The following TXNDC5 variants were observed in gnomAD, a reference collection of about 807,000 sequenced individuals.
TXNDC5 encodes thioredoxin domain-containing protein 5.
A neutral mutation model predicts 52.6 loss-of-function variants in TXNDC5; 44 were observed. That is an observed-to-expected ratio of 0.84 (90% CI 0.66 to 1.08). The LOEUF (loss-of-function observed/expected upper bound fraction) is 1.08, where lower values mean the gene tolerates loss of function less well. Ranked by LOEUF, TXNDC5 falls within the 50% of genes least tolerant of loss-of-function variation. The pLI is 0.00. For synonymous variants in TXNDC5, 241 were observed against 234.4 expected (o/e 1.03, Z -0.26); for missense variants, 600 against 565.5 (o/e 1.06, Z -0.62).
intron 2 of TXNDC5, among the ~76,000 whole-genome samples, chr6:7,900,893 A>G (rs1760543015): frequency 6.6e-6 from 1 of 152,064 alleles, no homozygotes; most frequent in East Asian, 1.9e-4. Context: ...CCCACCTCCT[A>G]TTGCCAGCAT....
intron 5 of TXNDC5, among the ~76,000 whole-genome samples, chr6:7,890,076 G>T (rs906577886): frequency 1.3e-5 from 2 of 152,164 alleles, no homozygotes; most frequent in Non-Finnish European, 2.9e-5. Context: ...TATAATAAAG[G>T]TAAGACTGCA....
chr6:7,909,624 T>G (rs1013311211), intron 1 of TXNDC5, among the ~76,000 whole-genome samples: 1 of 151,474 alleles, frequency 6.6e-6, no homozygotes, highest in African/African-American at 2.4e-5. Context: ...AGCAGGGAGG[T>G]GACAGGACAG....
intron 2 of TXNDC5, among the ~76,000 whole-genome samples, chr6:7,902,757 T>C (rs190700952): frequency 2.1e-3 from 314 of 152,208 alleles, no homozygotes; most frequent in Admixed American, 3.2e-3. Flanking sequence ...TTTGTTCTTT[T>C]TAATAACACA....
chr6:7,890,790 G>A (rs1335261326), intron 5 of TXNDC5, among the ~76,000 whole-genome samples: 1 of 152,140 alleles, frequency 6.6e-6, no homozygotes, highest in Non-Finnish European at 1.5e-5. Context: ...ACTTTCATCT[G>A]CCCAGACACC....
chr6:7,891,325 G>C (rs946922393), intron 5 of TXNDC5, among the ~76,000 whole-genome samples: 1 of 152,040 alleles, frequency 6.6e-6, no homozygotes, highest in African/African-American at 2.4e-5. Context: ...CATTCTACAA[G>C]GCTCTACCCC....
intron 3 of TXNDC5, 92 bp from the exon 4 acceptor site, chr6:7,895,294 C>A: frequency 8.8e-7 from 1 of 1,132,394 alleles, no homozygotes; most frequent in East Asian, 2.6e-5. Flanking sequence ...GAACCGCCTG[C>A]AGATGCCTCC....
intron 4 of TXNDC5, 26 bp from the exon 5 acceptor site, chr6:7,891,762 CGG>C (rs1204903086): frequency 2.6e-6 from 4 of 1,541,888 alleles, no homozygotes; most frequent in Admixed American, 1.7e-5. Flanking sequence ...AAGGCAGAGA[CGG>C]GGGAAAGAGG....
intron 1 of TXNDC5, among the ~76,000 whole-genome samples, chr6:7,906,539 A>AT (rs1760736636): frequency 6.8e-6 from 1 of 147,036 alleles, no homozygotes. Flanking sequence ...CCATCTCAAA[A>AT]AAAAAAAAAA....
intron 4 of TXNDC5, among the ~76,000 whole-genome samples, chr6:7,894,304 T>TG (rs1178627037): frequency 6.6e-6 from 1 of 151,970 alleles, no homozygotes; most frequent in African/African-American, 2.4e-5. Flanking sequence ...GACAAGGTCT[T>TG]GCTTAGGCTG....
chr6:7,910,770 C>G lies in TXNDC5; in HGVS notation c.7G>C (p.Ala3Pro). Reference protein sequence around the residue: MPARPGRLLPLLA... With the variant: MPPRPGRLLPLLA... The stretch of plus-strand genomic sequence containing the variant: ...AGCGGGAGGAGGCGTCCTGGGCGCG[C>G]GGGCATCGCGGCGGGGCTGGGCGCG... Residue 3 changes from alanine to proline, a missense_variant, in exon 1 of 10, where the codon GCG (alanine) becomes CCG (proline). By Grantham distance (27) the Ala-to-Pro change is conservative (BLOSUM62 -1). Coordinates refer to ENST00000379757, the MANE Select transcript of TXNDC5 (RefSeq NM_030810.5). 1.0e-6 allele frequency: 1 copy of G among 992,582 alleles called. No individual in the cohort carries two copies. The allele number at this position is 992,582 out of a possible 1,614,324, so 61.5% of individuals were successfully genotyped here.
chr6:7,906,534 T>C (rs1442272377), intron 1 of TXNDC5, among the ~76,000 whole-genome samples: 1 of 31,648 alleles, frequency 3.2e-5, no homozygotes, highest in African/African-American at 1.8e-4. Flanking sequence ...AGACTCCATC[T>C]CAAAAAAAAA....
chr6:7,901,797 A>G (rs369945833), intron 2 of TXNDC5, among the ~76,000 whole-genome samples: 1 of 152,246 alleles, frequency 6.6e-6, no homozygotes, highest in Non-Finnish European at 1.5e-5. Flanking sequence ...ATCCCCATGT[A>G]GGTACTGCCT....
At chr6:7,902,997 T>TACCAC (rs1348355337) in intron 2 of TXNDC5, among the ~76,000 whole-genome samples, 3 of 152,192 alleles carry the variant, frequency 2.0e-5, no homozygotes, top group African/African-American at 7.2e-5. Flanking sequence ...CCATAACACA[T>TACCAC]ACCACTCTCA....
Position 7,883,076 on chromosome 6 carries a change from CTG to C in TXNDC5, c.*66_*67del. On this transcript the variant is annotated 3_prime_UTR_variant, in exon 10 of 10. Transcript: ENST00000379757. ...GCCACCACTGGGAACCCAGTGGCCT[CTG>C]TGGGACTGAACTCCTAAACGCAGGG... 6.2e-7 allele frequency: 1 copy of C among 1,607,452 alleles called. No homozygotes were observed. Among genetic ancestry groups the C allele is most frequent in the Non-Finnish European group, 8.5e-7 (1 of 1,175,630 alleles).
Position 7,899,557 on chromosome 6 carries a change from G to A in TXNDC5, c.519+19C>T, listed in dbSNP as rs200874323. 175 of 1,421,696 alleles carry A rather than the reference G, an allele frequency of 1.2e-4. No individual in the cohort carries two copies. Among genetic ancestry groups the A allele is most frequent in the Non-Finnish European group, 1.6e-4 (170 of 1,047,680 alleles). 88.1% of individuals were successfully genotyped at this position (1,421,696 alleles called of 1,614,324 possible). A position where few individuals can be genotyped will look rare whatever the true frequency, so the allele number is the denominator to read the frequency against. Reference sequence around the variant, plus strand: ...AGAGGGAGGGAGGGAGGGAGGGAGGGAAGGAGGTAGACACTCACCACTGGC... The same window carrying A: ...AGAGGGAGGGAGGGAGGGAGGGAGGAAAGGAGGTAGACACTCACCACTGGC... On this transcript the variant is annotated intron_variant, in intron 3 of 9. Coordinates refer to ENST00000379757, the MANE Select transcript of TXNDC5 (RefSeq NM_030810.5).
intron 7 of TXNDC5, among the ~76,000 whole-genome samples, 175 bp downstream of exon 7, chr6:7,888,530 G>A (rs1375855687): frequency 6.6e-6 from 1 of 152,206 alleles, no homozygotes; most frequent in Admixed American, 6.5e-5. Flanking sequence ...CTGAAAGCAT[G>A]TGAAAGTCGA....
intron 1 of TXNDC5, among the ~76,000 whole-genome samples, chr6:7,905,377 A>G (rs1760699562): frequency 6.6e-6 from 1 of 152,198 alleles, no homozygotes; most frequent in African/African-American, 2.4e-5. Context: ...GGCAATCTCA[A>G]AATTTAATCA....
Position 7,888,931 on chromosome 6 carries a change from C to A in TXNDC5, c.820-83G>T. 7.3e-6 allele frequency: 11 copies of A among 1,502,230 alleles called. No individual in the cohort carries two copies. In the South Asian group the frequency reaches 1.1e-4, roughly 15 times the overall value. The allele number at this position is 1,502,230 out of a possible 1,614,324, so 93.1% of individuals were successfully genotyped here. On this transcript the variant is annotated intron_variant, in intron 6 of 9. Transcript: ENST00000379757. ...AAGCCTTCCTGCAACCCCTGCTTGC[C>A]CGGGTCAGAGCTCCCAGATGTCTTA...
At chr6:7,889,846 C>G (rs547880917) in intron 5 of TXNDC5, among the ~76,000 whole-genome samples, 17 of 152,098 alleles carry the variant, frequency 1.1e-4, no homozygotes, top group Admixed American at 4.6e-4. Context: ...TTTTAGGAAG[C>G]AACATTTTAA....
Sources: allele counts gnomAD v4.1 joint callset (sites outside exome capture counted in the v4.1 genomes callset), GRCh38; gene constraint gnomAD v4.1.1; transcripts MANE v1.5; gene names NCBI Gene and HGNC (gene_info 2026-07-23, HGNC 2026-07-21).